Variants in DGKB observed in about 807,000 individuals in gnomAD.
The protein encoded by DGKB is 90 kDa diacylglycerol kinase.
DGKB carries 67 observed loss-of-function variants against 114.3 expected under a neutral mutation model. The observed-to-expected ratio is 0.59, with a 90% CI of 0.48 to 0.72. The LOEUF (loss-of-function observed/expected upper bound fraction) is 0.72, where lower values mean the gene tolerates loss of function less well. Among genes scored for constraint, DGKB ranks in the 30% least tolerant of loss-of-function variants. The probability of loss-of-function intolerance (pLI) is 0.00; values close to 1 mark genes in which losing one functional copy is unlikely to be tolerated. For missense variants in DGKB, 907 were observed against 975.2 expected, an observed-to-expected ratio of 0.93 and a Z score of 0.93; for synonymous variants, 398 against 323.1, an observed-to-expected ratio of 1.23 and a Z score of -2.49.
intron 23 of DGKB, among the ~76,000 whole-genome samples, chr7:14,241,367 T>A (rs537663081): frequency 9.4e-4 from 143 of 152,260 alleles, no homozygotes; most frequent in African/African-American, 3.2e-3. Context: ...CTGAGCTGTT[T>A]TGACCAGGCA....
intron 21 of DGKB, 53 bp downstream of exon 21, chr7:14,478,108 T>A: frequency 7.7e-7 from 1 of 1,298,862 alleles, no homozygotes; most frequent in Admixed American, 2.0e-5. Context: ...GTGATCTTTT[T>A]ATGGCAAAAT....
chr7:14,708,932 A>C (rs1199228868), intron 6 of DGKB, among the ~76,000 whole-genome samples: 1 of 151,438 alleles, frequency 6.6e-6, no homozygotes, highest in Admixed American at 6.6e-5. Flanking sequence ...AAAACACCAA[A>C]AGCAATGGCA....
intron 1 of DGKB, among the ~76,000 whole-genome samples, chr7:14,859,464 G>C (rs1023920634): frequency 6.6e-6 from 1 of 152,090 alleles, no homozygotes; most frequent in African/African-American, 2.4e-5. Flanking sequence ...ACTTCAAAAG[G>C]TGAAGCAGAG....
At chr7:14,952,368 C>T (rs913833579) in intron 1 of DGKB, among the ~76,000 whole-genome samples, 4 of 151,966 alleles carry the variant, frequency 2.6e-5, no homozygotes, top group Admixed American at 6.6e-5. Context: ...ATCGCACGTA[C>T]ATGGATCGAA....
chr7:14,956,273 C>T (rs1453288375), intron 1 of DGKB, among the ~76,000 whole-genome samples: 3 of 151,832 alleles, frequency 2.0e-5, no homozygotes, highest in Non-Finnish European at 4.4e-5. Context: ...ATAGTAGAAT[C>T]CTCCCCAAAC....
intron 23 of DGKB, among the ~76,000 whole-genome samples, chr7:14,305,651 T>G (rs188416050): frequency 6.6e-6 from 1 of 152,188 alleles, no homozygotes; most frequent in Non-Finnish European, 1.5e-5. Flanking sequence ...CAATTGCTAC[T>G]GGCCTCAGGG....
chr7:14,361,726 C>G (rs1815776549), intron 21 of DGKB, among the ~76,000 whole-genome samples: 1 of 151,944 alleles, frequency 6.6e-6, no homozygotes, highest in Non-Finnish European at 1.5e-5. Flanking sequence ...TACCTTTATA[C>G]CATTTTCTCC....
At chr7:14,697,780 A>AAGAAAGAAAGAAAGAAAGAAAG (rs1563943585) in intron 8 of DGKB, among the ~76,000 whole-genome samples, 64 of 136,674 alleles carry the variant, frequency 4.7e-4, no homozygotes, top group African/African-American at 1.7e-3. Flanking sequence ...AACAAAGAGA[A>AAGAAAGAAAGAAAGAAAGAAAG]AGAAAGAAAG....
chr7:14,762,011 G>A (rs117161591), intron 2 of DGKB, among the ~76,000 whole-genome samples: 139 of 152,094 alleles, frequency 9.1e-4, no homozygotes, highest in Non-Finnish European at 1.7e-3. Flanking sequence ...TTGACTGGCA[G>A]GGCAGGATAC....
At chr7:14,250,196 T>C (rs1795028680) in intron 23 of DGKB, among the ~76,000 whole-genome samples, 1 of 151,366 alleles carries the variant, frequency 6.6e-6, no homozygotes, top group Admixed American at 6.6e-5. Flanking sequence ...CTTGAATTCC[T>C]GGGCTCAAGC....
intron 21 of DGKB, among the ~76,000 whole-genome samples, chr7:14,467,118 A>T (rs1780589726): frequency 6.6e-6 from 1 of 151,252 alleles, no homozygotes; most frequent in South Asian, 2.1e-4. Context: ...GAGTTTTTGT[A>T]TGTTATGTAT....
intron 20 of DGKB, among the ~76,000 whole-genome samples, chr7:14,523,239 T>C (rs1360165511): frequency 6.6e-6 from 1 of 152,216 alleles, no homozygotes; most frequent in Non-Finnish European, 1.5e-5. Flanking sequence ...TCATAATTTA[T>C]CTAAAAACCA....
At chr7:14,149,881 G>C (rs1781930319) in intron 25 of DGKB, among the ~76,000 whole-genome samples, 1 of 152,126 alleles carries the variant, frequency 6.6e-6, no homozygotes. Context: ...CACTTTGAGA[G>C]ACTGTTCTAA....
At chr7:14,907,627 T>C (rs980459018), upstream of DGKB, among the ~76,000 whole-genome samples, 13 of 152,150 alleles carry the variant, frequency 8.5e-5, no homozygotes, top group African/African-American at 3.1e-4. Flanking sequence ...AACCATAATT[T>C]CTGAGGTTAA....
At chr7:14,791,987 G>A (rs1283846214) in intron 2 of DGKB, among the ~76,000 whole-genome samples, 2 of 152,024 alleles carry the variant, frequency 1.3e-5, no homozygotes, top group African/African-American at 4.8e-5. Context: ...AATATGAATT[G>A]CTGAGTATTC....
intron 23 of DGKB, among the ~76,000 whole-genome samples, chr7:14,314,522 A>C (rs1390277808): frequency 3.9e-5 from 6 of 152,124 alleles, no homozygotes. Context: ...AACTGGAAGA[A>C]AGGGTATCAG....
intron 20 of DGKB, among the ~76,000 whole-genome samples, chr7:14,504,037 T>C (rs1393007087): frequency 6.6e-6 from 1 of 152,222 alleles, no homozygotes; most frequent in Non-Finnish European, 1.5e-5. Flanking sequence ...TGGGAAATTA[T>C]GATGTGCAGT....
intron 16 of DGKB, among the ~76,000 whole-genome samples, chr7:14,609,696 C>T (rs1204206819): frequency 6.6e-6 from 1 of 151,744 alleles, no homozygotes; most frequent in Non-Finnish European, 1.5e-5. Flanking sequence ...CAAATAACCC[C>T]ATTAAACATG....
chr7:14,426,879 A>G (rs1827647162), intron 21 of DGKB, among the ~76,000 whole-genome samples: 1 of 140,326 alleles, frequency 7.1e-6, no homozygotes. Context: ...ACATGAGGAA[A>G]CCCCATCTCT....
Sources: allele counts gnomAD v4.1 joint callset (sites outside exome capture counted in the v4.1 genomes callset), GRCh38; gene constraint gnomAD v4.1.1; transcripts MANE v1.5; gene names NCBI Gene and HGNC (gene_info 2026-07-23, HGNC 2026-07-21).